The following NFIA variants were observed in gnomAD, a reference collection of about 807,000 sequenced individuals.
NFIA encodes nuclear factor I A.
NFIA carries 8 observed loss-of-function variants against 62.8 expected under a neutral mutation model. That is an observed-to-expected ratio of 0.13 (90% CI 0.07 to 0.23). The LOEUF is 0.23. Among genes scored for constraint, NFIA ranks in the 10% least tolerant of loss-of-function variants. The pLI is 1.00. For missense variants in NFIA, 410 were observed against 642.1 expected, an observed-to-expected ratio of 0.64 and a Z score of 3.91; for synonymous variants, 235 against 238.1, an observed-to-expected ratio of 0.99 and a Z score of 0.12.
At chr1:61,207,563 C>A (rs1414976761) in intron 2 of NFIA, among the ~76,000 whole-genome samples, 1 of 152,148 alleles carries the variant, frequency 6.6e-6, no homozygotes, top group Non-Finnish European at 1.5e-5. Flanking sequence ...TGATGATAGT[C>A]CAGAGTGTGT....
At chr1:61,277,049 A>T (rs1051897646) in intron 2 of NFIA, among the ~76,000 whole-genome samples, 2 of 152,220 alleles carry the variant, frequency 1.3e-5, no homozygotes, top group African/African-American at 4.8e-5. Context: ...TGTTGCTGGA[A>T]TGCAGAGCTA....
At chr1:61,386,947 C>T (rs1664721351) in intron 7 of NFIA, among the ~76,000 whole-genome samples, 1 of 152,154 alleles carries the variant, frequency 6.6e-6, no homozygotes, top group Non-Finnish European at 1.5e-5. Flanking sequence ...CATCTTCTTG[C>T]TGTGTCCTCA....
chr1:61,163,677 A>G (rs1298036133), intron 2 of NFIA, among the ~76,000 whole-genome samples: 1 of 152,214 alleles, frequency 6.6e-6, no homozygotes, highest in Non-Finnish European at 1.5e-5. Context: ...TATAAGTGAG[A>G]CTGTGACTAT....
At chr1:61,214,328 A>G (rs1338983620) in intron 2 of NFIA, among the ~76,000 whole-genome samples, 1 of 129,450 alleles carries the variant, frequency 7.7e-6, no homozygotes, top group Non-Finnish European at 1.6e-5. Context: ...CAGTCCTTGC[A>G]ATAAAAAAAA....
At chr1:61,156,112 C>T (rs1026607514) in intron 2 of NFIA, among the ~76,000 whole-genome samples, 6 of 152,130 alleles carry the variant, frequency 3.9e-5, no homozygotes, top group Admixed American at 6.6e-5. Flanking sequence ...CCAGCCTGGG[C>T]GACAGAGCGA....
chr1:61,278,893 G>A (rs530756833), intron 3 of NFIA, among the ~76,000 whole-genome samples: 8 of 152,302 alleles, frequency 5.3e-5, no homozygotes, highest in African/African-American at 1.9e-4. Context: ...ACCTCTCAGA[G>A]TATTGATTTA....
chr1:61,365,814 C>T (rs1407650440), intron 6 of NFIA, among the ~76,000 whole-genome samples: 1 of 152,120 alleles, frequency 6.6e-6, no homozygotes, highest in Admixed American at 6.5e-5. Flanking sequence ...GTAATGAAGT[C>T]CAAAGTCCTT....
intron 2 of NFIA, among the ~76,000 whole-genome samples, chr1:61,095,286 A>T (rs1646390901): frequency 6.6e-6 from 1 of 152,234 alleles, no homozygotes; most frequent in South Asian, 2.1e-4. Context: ...AAGGTTTGTC[A>T]TAGTCATATA....
intron 2 of NFIA, among the ~76,000 whole-genome samples, chr1:61,230,394 TTC>T (rs1654599490): frequency 6.6e-6 from 1 of 152,164 alleles, no homozygotes; most frequent in Non-Finnish European, 1.5e-5. Context: ...CCTTAAATAT[TTC>T]TGTCAAATCA....
chr1:61,184,134 A>G (rs1282849375), intron 2 of NFIA, among the ~76,000 whole-genome samples: 1 of 150,216 alleles, frequency 6.7e-6, no homozygotes, highest in Non-Finnish European at 1.5e-5. Context: ...CCAAAAAAAA[A>G]AAAAAAAACC....
At chr1:61,267,063 T>C (rs561336473) in intron 2 of NFIA, among the ~76,000 whole-genome samples, 2 of 152,216 alleles carry the variant, frequency 1.3e-5, no homozygotes, top group Non-Finnish European at 2.9e-5. Flanking sequence ...TCTTTTATCA[T>C]GCCTTTTGCC....
chr1:61,393,985 T>G (rs1203488599), intron 7 of NFIA, among the ~76,000 whole-genome samples: 1 of 152,234 alleles, frequency 6.6e-6, no homozygotes, highest in Non-Finnish European at 1.5e-5. Flanking sequence ...CAGATTACTT[T>G]TCATGTATCT....
Position 61,316,488 on chromosome 1 carries a change from C to G in NFIA, c.626-16024C>G, listed in dbSNP as rs148667657. ...AAAATGTGTGAGGGCATTTTTGGTG[C>G]TCACAAGGAGGGGATGTTGCTGGCA... is the stretch of plus-strand genomic sequence containing the variant. On this transcript the variant is annotated intron_variant, in intron 3 of 10. Coordinates refer to ENST00000403491, the MANE Select transcript of NFIA (RefSeq NM_001134673.4). 8.3e-4 allele frequency among the ~76,000 whole-genome samples: 127 copies of G among 152,198 alleles called. 2 individuals carry two copies. Among genetic ancestry groups the G allele is most frequent in the African/African-American group, 2.8e-3 (117 of 41,542 alleles).
rs201456920 is a variant in NFIA at position 61,229,035 on chromosome 1, A to C, written c.560-48485A>C. Among the ~76,000 whole-genome samples, 6 of 152,254 alleles carry C rather than the reference A, an allele frequency of 3.9e-5. No homozygotes were observed. The East Asian group carries it at 5.8e-4, about 15-fold the overall frequency. On this transcript the variant is annotated intron_variant, in intron 2 of 10. Transcript: ENST00000403491. The stretch of plus-strand genomic sequence containing the variant: ...AAAAAAGAATGCAAATATATTGCCC[A>C]AAAAAATACACAAATTATTGTCTTT...
At chr1:61,242,543 G>T (rs553221954) in intron 2 of NFIA, among the ~76,000 whole-genome samples, 36 of 152,284 alleles carry the variant, frequency 2.4e-4, no homozygotes, top group African/African-American at 8.4e-4. Context: ...ATTTGTGGTA[G>T]TTTGAAGAAT....
rs11806614 is a variant in NFIA, at chr1:61,136,081, C to T, written c.559+47401C>T. Among the ~76,000 whole-genome samples, 325 of 152,256 alleles carry T rather than the reference C, an allele frequency of 2.1e-3. 2 individuals are homozygous for T. Among genetic ancestry groups the T allele is most frequent in the African/African-American group, 7.4e-3 (308 of 41,542 alleles). On this transcript the variant is annotated intron_variant, in intron 2 of 10. Transcript: ENST00000403491. ...ATCATGTAATATGTCTGCATTTGTC[C>T]ATGCATTCTTTTCGGAAACCTGATC...
chr1:61,197,307 C>T (rs1283155248), intron 2 of NFIA, among the ~76,000 whole-genome samples: 4 of 137,294 alleles, frequency 2.9e-5, no homozygotes, highest in Admixed American at 1.6e-4. Context: ...GGCGTGATCT[C>T]GGCTCACTGC....
chr1:61,352,780 C>CACACA (rs1488742382), intron 5 of NFIA, among the ~76,000 whole-genome samples: 1 of 150,416 alleles, frequency 6.6e-6, no homozygotes, highest in Non-Finnish European at 1.5e-5. Context: ...CACACACACA[C>CACACA]ACACGCACAC....
intron 10 of NFIA, among the ~76,000 whole-genome samples, chr1:61,448,414 G>A (rs1401967280): frequency 2.0e-5 from 3 of 152,200 alleles, no homozygotes; most frequent in Non-Finnish European, 4.4e-5. Context: ...CCGCCTTGTA[G>A]AGTGATTTGC....
Sources: allele counts gnomAD v4.1 joint callset (sites outside exome capture counted in the v4.1 genomes callset), GRCh38; gene constraint gnomAD v4.1.1; transcripts MANE v1.5; gene names NCBI Gene and HGNC (gene_info 2026-07-23, HGNC 2026-07-21).